Variants in INPP4B observed in about 807,000 individuals in gnomAD.
INPP4B encodes inositol polyphosphate-4-phosphatase type II B, also known as inositol polyphosphate 4-phosphatase type II.
Under a neutral mutation model 122.5 loss-of-function variants are expected in INPP4B, and 55 were observed. That is an observed-to-expected ratio of 0.45 (90% CI 0.36 to 0.56). The LOEUF (loss-of-function observed/expected upper bound fraction) is 0.56, where lower values mean the gene tolerates loss of function less well. Among genes scored for constraint, INPP4B ranks in the 20% least tolerant of loss-of-function variants. INPP4B has a pLI of 0.00. For synonymous variants in INPP4B, 403 were observed against 388.7 expected, an observed-to-expected ratio of 1.04 and a Z score of -0.43; for missense variants, 1,000 against 1,097.7, an observed-to-expected ratio of 0.91 and a Z score of 1.26.
At chr4:142,476,028 C>T (rs550244000) in intron 2 of INPP4B, among the ~76,000 whole-genome samples, 1 of 152,168 alleles carries the variant, frequency 6.6e-6, no homozygotes, top group African/African-American at 2.4e-5. Context: ...AGACCATCCC[C>T]AAGACATAAT....
chr4:142,750,720 C>G (rs1307641103), intron 1 of INPP4B, among the ~76,000 whole-genome samples: 3 of 152,072 alleles, frequency 2.0e-5, no homozygotes. Flanking sequence ...ACAAGGGCCC[C>G]TTGGCAGATG....
rs141701562 is a variant in INPP4B at position 142,665,921 on chromosome 4, A to G, written c.-191+59918T>C. Among the ~76,000 whole-genome samples, 426 of 152,328 alleles carry G rather than the reference A, an allele frequency of 2.8e-3. 2 individuals are homozygous for G. The highest frequency in any genetic ancestry group is 4.3e-3 in the Non-Finnish European group (291 of 68,022). ...TGTTTTCTTCTAGGTATACATGCTT[A>G]TGATAAGGTTTAATTTATAAACAAG... On this transcript the variant is annotated intron_variant, in intron 2 of 25. Coordinates refer to ENST00000262992, the MANE Select transcript of INPP4B (RefSeq NM_001101669.3).
chr4:142,676,283 CA>C (rs1445662482), intron 2 of INPP4B, among the ~76,000 whole-genome samples: 20 of 152,060 alleles, frequency 1.3e-4, no homozygotes, highest in Admixed American at 4.6e-4. Flanking sequence ...ATACAACTTA[CA>C]AGGGATGTGA....
intron 2 of INPP4B, among the ~76,000 whole-genome samples, chr4:142,485,323 C>A (rs1463015052): frequency 1.3e-5 from 2 of 152,010 alleles, no homozygotes; most frequent in Non-Finnish European, 2.9e-5. Flanking sequence ...AAGTATTTAG[C>A]TTTTAGGCTA....
intron 2 of INPP4B, among the ~76,000 whole-genome samples, chr4:142,657,193 T>G (rs1166842130): frequency 6.6e-6 from 1 of 152,150 alleles, no homozygotes; most frequent in Non-Finnish European, 1.5e-5. Context: ...AGCGCTTGGA[T>G]CTAACATTTT....
Position 142,108,107 on chromosome 4 carries a change from T to C in INPP4B, c.2360A>G (p.Lys787Arg), listed in dbSNP as rs1561140635. The change falls in exon 23 of 26, where the codon AAG becomes AGG. Residue 787 changes from lysine (K) to arginine (R), a missense_variant. By Grantham distance (26) the Lys-to-Arg change is conservative. Coordinates refer to ENST00000262992, the MANE Select transcript of INPP4B (RefSeq NM_001101669.3). ...LQEYYKIFME[K>R]MPPDYISHFQ... ...CACATACTTACAATCAGGAGGCATC[T>C]TTTCCATAAATATCTTGTAATATTC... 1.9e-6 allele frequency: 3 copies of C among 1,538,564 alleles called. No homozygotes were observed. The highest frequency in any genetic ancestry group is 2.7e-6 in the Non-Finnish European group (3 of 1,114,210).
chr4:142,780,786 A>C (rs912439887), intron 1 of INPP4B, among the ~76,000 whole-genome samples: 4 of 152,164 alleles, frequency 2.6e-5, no homozygotes, highest in African/African-American at 9.7e-5. Flanking sequence ...TGACAGAGTG[A>C]AACACCGTCT....
intron 2 of INPP4B, among the ~76,000 whole-genome samples, chr4:142,595,629 C>T (rs1738529811): frequency 1.3e-5 from 2 of 152,026 alleles, no homozygotes; most frequent in African/African-American, 4.8e-5. Context: ...AGTAAACAAA[C>T]AGAACTGCCC....
At chr4:142,363,689 A>T (rs960284983) in intron 7 of INPP4B, among the ~76,000 whole-genome samples, 1 of 152,086 alleles carries the variant, frequency 6.6e-6, no homozygotes, top group Non-Finnish European at 1.5e-5. Context: ...AAGAGCACAA[A>T]GTCATCTCCT....
chr4:142,692,973 A>T (rs1436498482), intron 2 of INPP4B, among the ~76,000 whole-genome samples: 7 of 152,066 alleles, frequency 4.6e-5, no homozygotes, highest in African/African-American at 1.7e-4. Flanking sequence ...AGACAGACAG[A>T]CACATACATA....
At chr4:142,416,605 T>C (rs1805825433) in intron 5 of INPP4B, among the ~76,000 whole-genome samples, 1 of 152,042 alleles carries the variant, frequency 6.6e-6, no homozygotes. Context: ...GTAAGAGGAA[T>C]AGGGAAGAAT....
chr4:142,268,675 A>T (rs1030386457), intron 10 of INPP4B, among the ~76,000 whole-genome samples: 6 of 152,154 alleles, frequency 3.9e-5, no homozygotes, highest in African/African-American at 1.4e-4. Context: ...TTCAGCTTTG[A>T]AAAGGGGGAA....
In INPP4B at chr4:142,026,084, C is replaced by CATT. The variant is rs2152245123; in HGVS notation, c.*2695_*2697dup. The CATT allele has an allele frequency of 6.6e-6, 1 of 152,242 alleles. No individual in the cohort carries two copies. The highest frequency in any genetic ancestry group is 2.1e-4 in the South Asian group (1 of 4,822). The allele number at this position is 152,242 out of a possible 1,614,324, so 9.4% of individuals were successfully genotyped here. A position where few individuals can be genotyped will look rare whatever the true frequency, so the allele number is the denominator to read the frequency against. On this transcript the variant is annotated 3_prime_UTR_variant, in exon 26 of 26. Transcript: ENST00000262992. Reference sequence around the variant, plus strand: ...GAGCAAAAAAAGAGTTTGGAAATGTCATTTGCTCAGTTCATTTTTTGGCTC... The same window carrying CATT: ...GAGCAAAAAAAGAGTTTGGAAATGTCATTATTTGCTCAGTTCATTTTTTGGCTC...
chr4:142,273,087 G>A lies in INPP4B; in HGVS notation c.504-2313C>T, dbSNP rs142396446. Among the ~76,000 whole-genome samples the A allele has an allele frequency of 1.3e-3, 201 of 151,992 alleles. 1 individual carries two copies. The highest frequency in any genetic ancestry group is 6.8e-3 in the Middle Eastern group (2 of 294). On this transcript the variant is annotated intron_variant, in intron 9 of 25. Transcript: ENST00000262992. ...GTTATCTGCTAGCTGTGTGACTTTG[G>A]GCAAGTCATTTACCCATGTGAATCT...
chr4:142,698,126 G>A (rs1761256879), intron 2 of INPP4B, among the ~76,000 whole-genome samples: 1 of 151,974 alleles, frequency 6.6e-6, no homozygotes, highest in African/African-American at 2.4e-5. Flanking sequence ...CTGTAATTAA[G>A]ATAAGTAACC....
At chr4:142,662,451 C>G (rs1755375792) in intron 2 of INPP4B, among the ~76,000 whole-genome samples, 1 of 151,938 alleles carries the variant, frequency 6.6e-6, no homozygotes, top group South Asian at 2.1e-4. Flanking sequence ...AAAATTTTCC[C>G]CTCTCTATTT....
At chr4:142,581,462 CT>C in intron 2 of INPP4B, among the ~76,000 whole-genome samples, 2 of 150,892 alleles carry the variant, frequency 1.3e-5, no homozygotes, top group African/African-American at 4.9e-5. Flanking sequence ...TATTCATGAA[CT>C]TTGGAAATAG....
In INPP4B at chr4:142,344,780, G is replaced by A. The variant is rs189353573; in HGVS notation, c.373-30018C>T. 3.9e-5 allele frequency among the ~76,000 whole-genome samples: 6 copies of A among 152,034 alleles called. No homozygotes were observed. The East Asian group carries it at 1.2e-3, about 29-fold the overall frequency. On this transcript the variant is annotated intron_variant, in intron 7 of 25. Coordinates refer to ENST00000262992, the MANE Select transcript of INPP4B (RefSeq NM_001101669.3). ...ATGCATGGACATAGGTTTAGTACCTGGGGGATGAAATAATCTGTAAGCAAG... is the reference window on the plus strand; with the variant it reads ...ATGCATGGACATAGGTTTAGTACCTAGGGGATGAAATAATCTGTAAGCAAG...
chr4:142,249,524 G>A (rs764185180), intron 11 of INPP4B, among the ~76,000 whole-genome samples: 34 of 152,034 alleles, frequency 2.2e-4, no homozygotes, highest in Non-Finnish European at 3.7e-4. Context: ...TGATGAAAAT[G>A]AATACTTTCA....
Sources: gnomAD v4.1 joint callset for allele counts (sites outside exome capture counted in the v4.1 genomes callset) on GRCh38, gnomAD v4.1.1 for gene constraint, MANE v1.5 for transcripts, NCBI Gene and HGNC (gene_info 2026-07-23, HGNC 2026-07-21) for gene names.